SSX1: variants seen among roughly 807,000 people sequenced by gnomAD.
SSX1 encodes the protein protein SSX1.
In SSX1, 58 loss-of-function variants were observed where a neutral mutation model predicts 14.6. The ratio of observed to expected loss-of-function variants is 3.96; its 90% CI spans 3.21 to 4.93. SSX1 has a LOEUF of 4.93. Ranked by LOEUF, SSX1 falls within the 30% of genes most tolerant of loss-of-function variation. The pLI is 0.00. For synonymous variants in SSX1, 46 were observed against 52.1 expected, an observed-to-expected ratio of 0.88 and a Z score of 0.50; for missense variants, 272 against 143.1, an observed-to-expected ratio of 1.90 and a Z score of -4.60.
Position 48,266,849 on chromosome X carries a change from C to T in SSX1, c.*5-5C>T, listed in dbSNP as rs1435594472. ...ACTTACTTTCCTTCCCTCTTCTCGC[C>T]TCAGCCTGGGGGATACGACACATGC... On this transcript the variant is annotated splice_region_variant and splice_polypyrimidine_tract_variant and intron_variant, in intron 7 of 7. Coordinates refer to ENST00000376919, the MANE Select transcript of SSX1 (RefSeq NM_005635.4). The T allele has an allele frequency of 9.5e-7, 1 of 1,050,046 alleles. No homozygotes were observed. Among genetic ancestry groups the T allele is most frequent in the African/African-American group, 1.8e-5 (1 of 54,150 alleles). The allele number at this position is 1,050,046 out of a possible 1,213,427, so 86.5% of individuals were successfully genotyped here.
intron 6 of SSX1, among the ~76,000 whole-genome samples, chrX:48,264,729 T>G (rs1556936138): frequency 1.8e-5 from 2 of 112,702 alleles, no homozygotes. Flanking sequence ...TCGATAGCAT[T>G]TAGCCACTTT....
At position 48,257,367 on chromosome X, in the gene SSX1, G is replaced by A. The variant is rs184344068; in HGVS notation, c.69+57G>A. ...TCCAGGGGACAGAGTAGGGTGACCA[G>A]GTTTCTGAGGAGGGGAGGACAGAGG... On this transcript the variant is annotated intron_variant, in intron 2 of 7. Transcript: ENST00000376919. 221 of 1,193,008 alleles carry A rather than the reference G, an allele frequency of 1.9e-4. 2 individuals carry two copies. The African/African-American group carries it at 3.4e-3, about 18-fold the overall frequency.
intron 4 of SSX1, among the ~76,000 whole-genome samples, chrX:48,259,566 G>C (rs2059596654): frequency 9.0e-6 from 1 of 110,709 alleles, no homozygotes; most frequent in African/African-American, 3.3e-5. Flanking sequence ...TCATCATCTA[G>C]CATTAGGTAT....
chrX:48,262,593 G>T (rs1374902615), intron 5 of SSX1, among the ~76,000 whole-genome samples: 2 of 111,369 alleles, frequency 1.8e-5, no homozygotes, highest in Admixed American at 1.9e-4. Flanking sequence ...CCCAGTCCCA[G>T]CCCAGGGGAT....
At chrX:48,259,848 T>C (rs1556935200) in intron 4 of SSX1, among the ~76,000 whole-genome samples, 1 of 105,827 alleles carries the variant, frequency 9.4e-6, no homozygotes, top group East Asian at 2.9e-4. Context: ...ATCCAGTCTA[T>C]CATTGTTGGA....
Position 48,267,048 on chromosome X carries a change from A to T in SSX1, c.*199A>T. On this transcript the variant is annotated 3_prime_UTR_variant, in exon 8 of 8. Coordinates refer to ENST00000376919, the MANE Select transcript of SSX1 (RefSeq NM_005635.4). ...TAGTGTTTCCATTGTATTTTCTTAC[A>T]GTGTGCCATTCTGTTAGATACTATC... is the stretch of plus-strand genomic sequence containing the variant. 1 of 487,615 alleles carries T rather than the reference A, an allele frequency of 2.1e-6. No individual in the cohort carries two copies. Among genetic ancestry groups the T allele is most frequent in the South Asian group, 2.9e-5 (1 of 34,273 alleles). 40.2% of individuals were successfully genotyped at this position (487,615 alleles called of 1,213,427 possible). A position where few individuals can be genotyped will look rare whatever the true frequency, so the allele number is the denominator to read the frequency against.
In SSX1 at chrX:48,266,371, A is replaced by T. The variant is rs781921881; in HGVS notation, c.551A>T (p.Glu184Val). 20 of 1,208,565 alleles carry T rather than the reference A, an allele frequency of 1.7e-5. No homozygotes were observed. Among genetic ancestry groups the T allele is most frequent in the Non-Finnish European group, 2.2e-5 (20 of 895,116 alleles). The change falls in exon 7 of 8, where the codon GAG becomes GTG. Residue 184 changes from glutamate (E) to valine (V), a missense_variant. By Grantham distance (121) the Glu-to-Val change is moderately radical (BLOSUM62 -2). Transcript: ENST00000376919. ...LVIYEEISDP[E>V]EDDE is the part of the protein sequence containing the mutation. ...ATTTATGAAGAGATCAGTGACCCTGAGGAAGATGACGAGTAACTCCGTAAG... is the reference window on the plus strand; with the variant it reads ...ATTTATGAAGAGATCAGTGACCCTGTGGAAGATGACGAGTAACTCCGTAAG...
intron 4 of SSX1, among the ~76,000 whole-genome samples, chrX:48,260,637 C>A (rs1196562322): frequency 5.4e-5 from 6 of 111,425 alleles, no homozygotes; most frequent in African/African-American, 1.6e-4. Context: ...CCCAAAATCT[C>A]CTTAAGCTGA....
intron 4 of SSX1, 125 bp downstream of exon 4, chrX:48,258,756 T>G (rs1181270653): frequency 2.2e-5 from 11 of 500,559 alleles, no homozygotes; most frequent in Non-Finnish European, 3.7e-5. Flanking sequence ...AAAAAAAAAA[T>G]TGCATACAGA....
chrX:48,258,633 T>C lies in SSX1; in HGVS notation c.280+2T>C. 3 of 1,188,794 alleles carry C rather than the reference T, an allele frequency of 2.5e-6. 1 individual carries two copies. Among genetic ancestry groups the C allele is most frequent in the South Asian group, 3.6e-5 (2 of 56,028 alleles). On this transcript the variant is annotated splice_donor_variant, in intron 4 of 7. Coordinates refer to ENST00000376919, the MANE Select transcript of SSX1 (RefSeq NM_005635.4). LOFTEE classifies it high-confidence loss of function. ...ATGACCATAACCGCAGGATTCAGGG[T>C]GAGTAGATGGGAAGTGGCTGGAAAG...
At chrX:48,257,352 A>C in intron 2 of SSX1, 42 bp downstream of exon 2, 1 of 1,200,066 alleles carries the variant, frequency 8.3e-7, no homozygotes, top group Non-Finnish European at 1.1e-6. Context: ...TCCAGGGGAC[A>C]GAGTAGGGTG....
chrX:48,263,250 G>C (rs1422647336), intron 5 of SSX1, among the ~76,000 whole-genome samples: 1 of 111,166 alleles, frequency 9.0e-6, no homozygotes, highest in Non-Finnish European at 1.9e-5. Flanking sequence ...CGGTAGGGTG[G>C]TATGCCAGAT....
rs1215501832 is a variant in SSX1, at chrX:48,267,097, A to C, written c.*248A>C. The stretch of plus-strand genomic sequence containing the variant: ...TCCTTATAATTGATGAGCAAGACAT[A>C]CTGAATGCATATTTCGGTTTGTGTA... On this transcript the variant is annotated 3_prime_UTR_variant, in exon 8 of 8. Coordinates refer to ENST00000376919, the MANE Select transcript of SSX1 (RefSeq NM_005635.4). 2.4e-6 allele frequency: 1 copy of C among 412,378 alleles called. No individual in the cohort carries two copies. Among genetic ancestry groups the C allele is most frequent in the Non-Finnish European group, 4.3e-6 (1 of 235,106 alleles). The allele number at this position is 412,378 out of a possible 1,213,427, so 34.0% of individuals were successfully genotyped here.
intron 6 of SSX1, among the ~76,000 whole-genome samples, chrX:48,264,190 G>A (rs1319583295): frequency 3.6e-5 from 4 of 112,233 alleles, no homozygotes; most frequent in South Asian, 3.7e-4. Flanking sequence ...ATCATAGTTC[G>A]TAAATTGTTT....
intron 1 of SSX1, among the ~76,000 whole-genome samples, chrX:48,256,592 C>A (rs1342488941): frequency 3.7e-5 from 4 of 107,565 alleles, no homozygotes; most frequent in Non-Finnish European, 5.7e-5. Context: ...TGAGCCACTG[C>A]GCCTGGCCGA....
intron 4 of SSX1, among the ~76,000 whole-genome samples, chrX:48,259,266 G>A (rs1601946704): frequency 9.0e-6 from 1 of 111,531 alleles, no homozygotes; most frequent in African/African-American, 3.3e-5. Flanking sequence ...CAAAGTGCTG[G>A]GATTACAGGC....
At chrX:48,262,415 T>C (rs1261524594) in intron 5 of SSX1, among the ~76,000 whole-genome samples, 3 of 112,208 alleles carry the variant, frequency 2.7e-5, no homozygotes, top group Non-Finnish European at 1.9e-5. Flanking sequence ...CTTTACCCCA[T>C]AGGGCCTACT....
chrX:48,267,154 T>C lies in SSX1; in HGVS notation c.*305T>C, dbSNP rs1184411702. The C allele has an allele frequency of 2.5e-5, 9 of 361,471 alleles. No homozygotes were observed. The highest frequency in any genetic ancestry group is 2.1e-4 in the African/African-American group (8 of 38,404). 29.8% of individuals were successfully genotyped at this position (361,471 alleles called of 1,213,427 possible). ...CACCTACGTCAGAAAACAAGTATTG[T>C]CAGGTATTCTCTCCATAGAACAGCA... On this transcript the variant is annotated 3_prime_UTR_variant, in exon 8 of 8. Coordinates refer to ENST00000376919, the MANE Select transcript of SSX1 (RefSeq NM_005635.4).
At chrX:48,260,888 A>G (rs782416958) in intron 4 of SSX1, among the ~76,000 whole-genome samples, 3 of 112,108 alleles carry the variant, frequency 2.7e-5, no homozygotes, top group African/African-American at 6.5e-5. Flanking sequence ...AGAGAGGGTG[A>G]TGAACACATG....
Sources: allele counts gnomAD v4.1 joint callset (sites outside exome capture counted in the v4.1 genomes callset), GRCh38; gene constraint gnomAD v4.1.1; transcripts MANE v1.5; gene names NCBI Gene and HGNC (gene_info 2026-07-23, HGNC 2026-07-21).